The following C11orf97 variants were observed in gnomAD, a reference collection of about 807,000 sequenced individuals.
C11orf97 encodes the protein uncharacterized protein C11orf97.
Under a neutral mutation model 16.2 loss-of-function variants are expected in C11orf97, and 15 were observed. The ratio of observed to expected loss-of-function variants is 0.93; its 90% CI spans 0.62 to 1.43. The LOEUF is 1.43. Ranked by LOEUF, C11orf97 falls within the 40% of genes most tolerant of loss-of-function variation. The pLI is 0.00. For missense variants in C11orf97, 171 were observed against 161.2 expected (o/e 1.06, Z -0.33); for synonymous variants, 61 against 65.7 (o/e 0.93, Z 0.34).
At chr11:94,517,289 G>A (rs898671129) in intron 1 of C11orf97, among the ~76,000 whole-genome samples, 4 of 152,124 alleles carry the variant, frequency 2.6e-5, no homozygotes, top group Non-Finnish European at 5.9e-5. Context: ...ACAAACGAGT[G>A]CAAGTTTTCT....
chr11:94,520,938 T>C (rs1947652928), intron 2 of C11orf97, among the ~76,000 whole-genome samples: 1 of 152,206 alleles, frequency 6.6e-6, no homozygotes, highest in African/African-American at 2.4e-5. Context: ...GATTTCATGC[T>C]CCTATGGCCA....
intron 3 of C11orf97, among the ~76,000 whole-genome samples, chr11:94,529,142 A>C (rs479449): frequency 0.41 from 62,285 of 151,916 alleles, 12,888 homozygotes; most frequent in Non-Finnish European, 0.43. Flanking sequence ...ATTTGAACCA[A>C]AGCAGCCTGT....
chr11:94,525,300 C>T (rs1457591472), intron 2 of C11orf97, among the ~76,000 whole-genome samples: 1 of 152,102 alleles, frequency 6.6e-6, no homozygotes, highest in African/African-American at 2.4e-5. Context: ...AATTTGATTA[C>T]TGAACTTATT....
chr11:94,531,764 C>A, intron 3 of C11orf97, 132 bp from the exon 4 acceptor site: 1 of 638,328 alleles, frequency 1.6e-6, no homozygotes, highest in Non-Finnish European at 2.4e-6. Context: ...ACTGGGATGA[C>A]ATGGGTGTGG....
intron 1 of C11orf97, among the ~76,000 whole-genome samples, chr11:94,514,091 T>G (rs1206813639): frequency 6.6e-6 from 1 of 152,194 alleles, no homozygotes; most frequent in African/African-American, 2.4e-5. Flanking sequence ...ATTACAGGCA[T>G]GAGCCACCAC....
chr11:94,531,898 T>C lies in C11orf97; in HGVS notation c.379T>C (p.Ter127GlnextTer39). Reference sequence around the variant, plus strand: ...TTCACTTTTTTTTTTAACTCTAGGATAAGATGAATTAGATTTTCCATTAAG... The same window carrying C: ...TTCACTTTTTTTTTTAACTCTAGGACAAGATGAATTAGATTTTCCATTAAG... The part of the protein sequence containing the change: ...YYSRHGGLRR[*>Q] Residue 127 changes from the stop codon to glutamine (Q), a stop_lost and splice_region_variant, in exon 4 of 4, where the codon TAA (stop) becomes CAA (glutamine). Coordinates refer to ENST00000542198, the MANE Select transcript of C11orf97 (RefSeq NM_001190462.2). 1 of 1,469,220 alleles carries C rather than the reference T, an allele frequency of 6.8e-7. No homozygotes were observed. Among genetic ancestry groups the C allele is most frequent in the East Asian group, 2.6e-5 (1 of 39,062 alleles). The allele number at this position is 1,469,220 out of a possible 1,614,324, so 91.0% of individuals were successfully genotyped here.
At chr11:94,531,159 G>C (rs1176651843) in intron 3 of C11orf97, among the ~76,000 whole-genome samples, 1 of 152,162 alleles carries the variant, frequency 6.6e-6, no homozygotes, top group Non-Finnish European at 1.5e-5. Flanking sequence ...ATCACACTAA[G>C]AGGTTTTATT....
intron 1 of C11orf97, among the ~76,000 whole-genome samples, chr11:94,513,910 C>A (rs1014902657): frequency 6.6e-6 from 1 of 152,198 alleles, no homozygotes; most frequent in Non-Finnish European, 1.5e-5. Flanking sequence ...TGGGTTCAAG[C>A]AATTCTCATG....
At chr11:94,524,669 T>C (rs1947685960) in intron 2 of C11orf97, among the ~76,000 whole-genome samples, 1 of 151,590 alleles carries the variant, frequency 6.6e-6, no homozygotes, top group African/African-American at 2.4e-5. Context: ...CTTATAGAAC[T>C]TTCTGGATAA....
chr11:94,524,642 G>A (rs35203856), intron 2 of C11orf97, among the ~76,000 whole-genome samples: 4,359 of 146,702 alleles, frequency 0.03, 146 homozygotes, highest in African/African-American at 0.081. Flanking sequence ...TAATCAGATA[G>A]AATGGAATTT....
intron 3 of C11orf97, 149 bp downstream of exon 3, chr11:94,528,358 T>G: frequency 1.4e-6 from 1 of 711,492 alleles, no homozygotes; most frequent in Non-Finnish European, 2.1e-6. Flanking sequence ...AGTTTGGCCA[T>G]ATTATGTGAT....
rs867134853 is a variant in C11orf97 at position 94,528,087 on chromosome 11, C to T, written c.254C>T (p.Ala85Val). The change falls in exon 3 of 4, where the codon GCC (alanine) becomes GTC (valine). Residue 85 changes from alanine (A) to valine (V), a missense_variant. Ala to Val is a moderately conservative substitution (Grantham distance 64, BLOSUM62 0). Coordinates refer to ENST00000542198, the MANE Select transcript of C11orf97 (RefSeq NM_001190462.2). ...ECHIKNPAAV[A>V]LEGIWSIKRN... ...TTGCCTTAAAAAATATTGACAGTGG[C>T]CCTGGAAGGGATTTGGAGCATTAAA... The T allele has an allele frequency of 1.3e-6, 2 of 1,528,616 alleles. No homozygotes were observed. The highest frequency in any genetic ancestry group is 2.5e-5 in the East Asian group (1 of 40,792). 94.7% of individuals were successfully genotyped at this position (1,528,616 alleles called of 1,614,324 possible). A position where few individuals can be genotyped will look rare whatever the true frequency, so the allele number is the denominator to read the frequency against.
At chr11:94,525,080 A>G (rs1022281305) in intron 2 of C11orf97, among the ~76,000 whole-genome samples, 15 of 152,104 alleles carry the variant, frequency 9.9e-5, no homozygotes, top group Middle Eastern at 3.4e-3. Context: ...AAAAAAAAAA[A>G]AAAGAAAGAA....
intron 2 of C11orf97, among the ~76,000 whole-genome samples, chr11:94,518,151 A>AAAG (rs1231955533): frequency 6.8e-6 from 1 of 146,550 alleles, no homozygotes; most frequent in African/African-American, 2.6e-5. Context: ...CCATATCAGA[A>AAAG]AAAAAAAAAA....
At chr11:94,527,524 T>C (rs756739047) in intron 2 of C11orf97, among the ~76,000 whole-genome samples, 49 of 152,344 alleles carry the variant, frequency 3.2e-4, no homozygotes, top group Middle Eastern at 6.8e-3. Flanking sequence ...TAATTATCAA[T>C]GGGCAAACAT....
intron 2 of C11orf97, among the ~76,000 whole-genome samples, chr11:94,521,241 A>G (rs909479544): frequency 6.6e-6 from 1 of 152,188 alleles, no homozygotes; most frequent in African/African-American, 2.4e-5. Flanking sequence ...CTGAAATTTT[A>G]TGCAGACAGT....
intron 1 of C11orf97, among the ~76,000 whole-genome samples, chr11:94,515,334 G>A (rs371947236): frequency 1.6e-4 from 24 of 151,806 alleles, no homozygotes; most frequent in African/African-American, 4.8e-4. Flanking sequence ...TCCAAAAAAC[G>A]TGGAATAATA....
intron 1 of C11orf97, among the ~76,000 whole-genome samples, chr11:94,516,465 G>A (rs1947612271): frequency 6.6e-6 from 1 of 152,130 alleles, no homozygotes; most frequent in Non-Finnish European, 1.5e-5. Context: ...ATTTATCAGT[G>A]CTTAGTTCTA....
chr11:94,512,768 G>C (rs1313089326), intron 1 of C11orf97, 95 bp downstream of exon 1: 7 of 1,202,520 alleles, frequency 5.8e-6, no homozygotes, highest in Non-Finnish European at 7.3e-6. Flanking sequence ...GACTGGCTGA[G>C]AAGGTTTGGG....
Sources: gnomAD v4.1 joint callset for allele counts (sites outside exome capture counted in the v4.1 genomes callset) on GRCh38, gnomAD v4.1.1 for gene constraint, MANE v1.5 for transcripts, NCBI Gene and HGNC (gene_info 2026-07-23, HGNC 2026-07-21) for gene names.